The following SUSD6 variants were observed in gnomAD, a reference collection of about 807,000 sequenced individuals.
SUSD6 encodes sushi domain containing 6, also known as sushi domain-containing protein 6.
In SUSD6, 16 loss-of-function variants were observed where a neutral mutation model predicts 28.4. The ratio of observed to expected loss-of-function variants is 0.56; its 90% CI spans 0.38 to 0.86. The LOEUF is 0.86. Ranked by LOEUF, SUSD6 falls within the 40% of genes least tolerant of loss-of-function variation. The pLI is 0.00. For synonymous variants in SUSD6, 147 were observed against 159.6 expected (o/e 0.92, Z 0.59); for missense variants, 341 against 384.2 (o/e 0.89, Z 0.94).
At chr14:69,704,779 G>T (rs1159804310) in intron 4 of SUSD6, 37 bp downstream of exon 4, 5 of 1,606,104 alleles carry the variant, frequency 3.1e-6, no homozygotes, top group Non-Finnish European at 3.4e-6. Flanking sequence ...AGACAGGCAG[G>T]TGCAAGCATT....
chr14:69,688,854 A>C (rs556911292), intron 2 of SUSD6, among the ~76,000 whole-genome samples: 1 of 152,234 alleles, frequency 6.6e-6, no homozygotes, highest in Non-Finnish European at 1.5e-5. Flanking sequence ...TTATAGGCCT[A>C]GAAGTGTCCT....
At chr14:69,611,853 G>T (rs1884879098) in intron 1 of SUSD6, 25 bp downstream of exon 1, 1 of 151,710 alleles carries the variant, frequency 6.6e-6, no homozygotes. Context: ...CGGCCCGGGG[G>T]CGGCGGGGCC....
intron 2 of SUSD6, among the ~76,000 whole-genome samples, chr14:69,701,644 C>T (rs1245166709): frequency 6.6e-6 from 1 of 152,140 alleles, no homozygotes; most frequent in Admixed American, 6.5e-5. Context: ...TTTCTTTCTC[C>T]TGTTCAAGAC....
rs376732654 is a variant in SUSD6, at chr14:69,711,832, CT to C, written c.*861del. ...CCAGCATCGGCCTTCCTGGCCTTGT[CT>C]TTTTTTTGTTTCCCTGGAGTATAAT... On this transcript the variant is annotated 3_prime_UTR_variant, in exon 6 of 6. Transcript: ENST00000342745. 2.0e-5 allele frequency: 3 copies of C among 152,174 alleles called. No individual in the cohort carries two copies. Among genetic ancestry groups the C allele is most frequent in the Non-Finnish European group, 2.9e-5 (2 of 68,046 alleles). 9.4% of individuals were successfully genotyped at this position (152,174 alleles called of 1,614,324 possible).
At chr14:69,674,482 G>A (rs1566600974) in intron 2 of SUSD6, among the ~76,000 whole-genome samples, 1 of 152,094 alleles carries the variant, frequency 6.6e-6, no homozygotes, top group Non-Finnish European at 1.5e-5. Flanking sequence ...TGTACGTCGA[G>A]TGCTTTGGGG....
chr14:69,655,344 T>C (rs1885566140), intron 1 of SUSD6, among the ~76,000 whole-genome samples: 1 of 152,230 alleles, frequency 6.6e-6, no homozygotes. Context: ...TTAGGTTACT[T>C]CAGTCTTTTG....
chr14:69,685,890 A>G (rs925443726), intron 2 of SUSD6, among the ~76,000 whole-genome samples: 2 of 152,230 alleles, frequency 1.3e-5, no homozygotes, highest in South Asian at 2.1e-4. Context: ...ACTTTTGTGC[A>G]GCAGCTGAGA....
At chr14:69,698,106 T>C (rs1886253422) in intron 2 of SUSD6, among the ~76,000 whole-genome samples, 2 of 152,254 alleles carry the variant, frequency 1.3e-5, no homozygotes, top group African/African-American at 4.8e-5. Flanking sequence ...GGCGGGCAGA[T>C]CACTTGAGGT....
chr14:69,691,952 T>G (rs1368430576), intron 2 of SUSD6, among the ~76,000 whole-genome samples: 1 of 151,728 alleles, frequency 6.6e-6, no homozygotes, highest in East Asian at 1.9e-4. Context: ...GGCAGGAGAA[T>G]TGCTTGAACC....
At chr14:69,615,380 C>T (rs1884944776) in intron 1 of SUSD6, 1 of 152,186 alleles carries the variant, frequency 6.6e-6, no homozygotes, top group African/African-American at 2.4e-5. Flanking sequence ...TGTGTAAGAA[C>T]CTTTCATCTT....
At chr14:69,639,569 CTGGG>C (rs1483566601) in intron 1 of SUSD6, among the ~76,000 whole-genome samples, 1 of 152,096 alleles carries the variant, frequency 6.6e-6, no homozygotes, top group East Asian at 1.9e-4. Flanking sequence ...CGGAGTTGGT[CTGGG>C]GACATGCTGG....
intron 1 of SUSD6, among the ~76,000 whole-genome samples, chr14:69,637,858 A>G (rs1315164711): frequency 6.6e-6 from 1 of 152,240 alleles, no homozygotes; most frequent in East Asian, 1.9e-4. Flanking sequence ...GGGCAGCAGC[A>G]TAGTCACTTC....
intron 1 of SUSD6, among the ~76,000 whole-genome samples, chr14:69,621,347 A>C (rs1162502417): frequency 1.3e-5 from 2 of 152,198 alleles, no homozygotes; most frequent in African/African-American, 4.8e-5. Flanking sequence ...TGAGTGAAAA[A>C]CAAATATAAA....
chr14:69,652,067 C>T (rs1158659797), intron 1 of SUSD6, among the ~76,000 whole-genome samples: 1 of 152,184 alleles, frequency 6.6e-6, no homozygotes. Flanking sequence ...ACTCTCACCA[C>T]TACTACCATT....
chr14:69,676,663 G>A (rs1318231594), intron 2 of SUSD6, among the ~76,000 whole-genome samples: 1 of 152,164 alleles, frequency 6.6e-6, no homozygotes, highest in Non-Finnish European at 1.5e-5. Flanking sequence ...CCAGAGTGCT[G>A]GGATTATAGG....
intron 1 of SUSD6, among the ~76,000 whole-genome samples, chr14:69,625,772 C>T (rs12589913): frequency 0.69 from 105,352 of 152,028 alleles, 38,074 homozygotes; most frequent in Admixed American, 0.81. Context: ...CCACTCCCCT[C>T]GTGGGCTCAG....
chr14:69,691,346 A>G (rs1399299521), intron 2 of SUSD6, among the ~76,000 whole-genome samples: 1 of 152,172 alleles, frequency 6.6e-6, no homozygotes, highest in South Asian at 2.1e-4. Context: ...GCAAAACTCT[A>G]TCTCAAAACA....
intron 1 of SUSD6, among the ~76,000 whole-genome samples, chr14:69,651,483 G>A (rs1029812337): frequency 6.6e-6 from 1 of 152,206 alleles, no homozygotes; most frequent in Non-Finnish European, 1.5e-5. Context: ...ACAGGAGTTT[G>A]ATGTTTGCCT....
intron 2 of SUSD6, among the ~76,000 whole-genome samples, chr14:69,680,869 C>T (rs1885988083): frequency 6.6e-6 from 1 of 152,158 alleles, no homozygotes; most frequent in Non-Finnish European, 1.5e-5. Context: ...CACTGATAGC[C>T]TTTCCAGTCA....
Sources: allele counts gnomAD v4.1 joint callset (sites outside exome capture counted in the v4.1 genomes callset), GRCh38; gene constraint gnomAD v4.1.1; transcripts MANE v1.5; gene names NCBI Gene and HGNC (gene_info 2026-07-23, HGNC 2026-07-21).